The following ZNF141 variants were observed in gnomAD, a reference collection of about 807,000 sequenced individuals.
ZNF141 encodes the protein zinc finger protein 141, also known as zinc finger protein 141 (clone pHZ-44).
ZNF141 carries 7 observed loss-of-function variants against 11.3 expected under a neutral mutation model. That is an observed-to-expected ratio of 0.62 (90% CI 0.35 to 1.16). The LOEUF is 1.16. Ranked by LOEUF, ZNF141 falls within the 50% of genes most tolerant of loss-of-function variation. ZNF141 has a pLI of 0.02. For missense variants in ZNF141, 535 were observed against 554.0 expected, an observed-to-expected ratio of 0.97 and a Z score of 0.34; for synonymous variants, 183 against 190.7, an observed-to-expected ratio of 0.96 and a Z score of 0.33.
chr4:354,605 A>C (rs531894989), intron 3 of ZNF141, among the ~76,000 whole-genome samples: 1 of 152,180 alleles, frequency 6.6e-6, no homozygotes, highest in South Asian at 2.1e-4. Context: ...TTATGCTAAC[A>C]TTGGGATTAT....
At chr4:351,290 G>C (rs1221763827) in intron 3 of ZNF141, among the ~76,000 whole-genome samples, 1 of 150,690 alleles carries the variant, frequency 6.6e-6, no homozygotes, top group African/African-American at 2.5e-5. Context: ...CTGGAGTACA[G>C]TGGCGCGATC....
At chr4:342,716 G>T in intron 1 of ZNF141, 1 of 1,101,666 alleles carries the variant, frequency 9.1e-7, no homozygotes, top group Non-Finnish European at 1.4e-6. Context: ...TCTGCCCACA[G>T]ATCCTGTCCA....
At chr4:344,665 G>A (rs1306982471) in intron 3 of ZNF141, among the ~76,000 whole-genome samples, 4 of 152,056 alleles carry the variant, frequency 2.6e-5, no homozygotes, top group African/African-American at 4.8e-5. Flanking sequence ...ATGGTGGTGC[G>A]CACCTGGAGT....
rs370472805 is a variant in ZNF141, at chr4:373,618, C to G, written c.1181C>G (p.Pro394Arg). The change falls in exon 4 of 4, where the codon CCC becomes CGC. Residue 394 changes from proline to arginine, a missense_variant. By Grantham distance (103) the Pro-to-Arg change is moderately radical (BLOSUM62 -2). Coordinates refer to ENST00000240499, the MANE Select transcript of ZNF141 (RefSeq NM_003441.4). ...EHKKIHTGEK[P>R]YKCEECGKAF... ...AAAAAAATTCATACTGGAGAGAAAC[C>G]CTACAAATGTGAAGAATGTGGCAAA... The G allele has an allele frequency of 5.0e-6, 8 of 1,613,988 alleles. No individual in the cohort carries two copies. The highest frequency in any genetic ancestry group is 6.8e-6 in the Non-Finnish European group (8 of 1,180,002).
At chr4:353,466 A>ATTAT (rs1553850788) in intron 3 of ZNF141, among the ~76,000 whole-genome samples, 2 of 134,604 alleles carry the variant, frequency 1.5e-5, no homozygotes, top group African/African-American at 5.6e-5. Flanking sequence ...TATTATTATT[A>ATTAT]TTTTTTTTTT....
intron 3 of ZNF141, among the ~76,000 whole-genome samples, chr4:359,308 A>C (rs950385861): frequency 3.9e-5 from 6 of 152,124 alleles, no homozygotes; most frequent in Non-Finnish European, 8.8e-5. Context: ...GAAAAAAAAA[A>C]CCCAGTTAAT....
At chr4:350,661 G>A (rs1428399432) in intron 3 of ZNF141, among the ~76,000 whole-genome samples, 1 of 152,144 alleles carries the variant, frequency 6.6e-6, no homozygotes, top group African/African-American at 2.4e-5. Context: ...CGTAGGGTTG[G>A]CTTTTCATGA....
intron 1 of ZNF141, among the ~76,000 whole-genome samples, chr4:343,553 G>A (rs1050680508): frequency 5.3e-5 from 8 of 151,710 alleles, no homozygotes; most frequent in Middle Eastern, 3.4e-3. Context: ...GTGAAACCCC[G>A]TCTCTACTAA....
Position 381,327 on chromosome 4 carries a change from T to C in ZNF141, c.*7465T>C, listed in dbSNP as rs1025024079. ...GGAACCTCAGCCGAGCAGTCAGAAC[T>C]CACAGCTCTGACCAAACCCCTAGAA... On this transcript the variant is annotated 3_prime_UTR_variant, in exon 4 of 4. Coordinates refer to ENST00000240499, the MANE Select transcript of ZNF141 (RefSeq NM_003441.4). 1.3e-5 allele frequency among the ~76,000 whole-genome samples: 2 copies of C among 149,802 alleles called. No individual in the cohort carries two copies. The highest frequency in any genetic ancestry group is 4.0e-4 in the East Asian group (2 of 5,034).
At chr4:370,269 TATA>T (rs1441140504) in intron 3 of ZNF141, among the ~76,000 whole-genome samples, 3 of 152,194 alleles carry the variant, frequency 2.0e-5, no homozygotes, top group East Asian at 1.9e-4. Context: ...TTTGCACTAT[TATA>T]ATGATACAGA....
In ZNF141 at chr4:376,027, A is replaced by ATGT. The variant is rs1712348000; in HGVS notation, c.*2166_*2168dup. ...AAATTGTTTTACCAATTATACATTT[A>ATGT]TGTAATAAGATACAGTAAATTTTAA... On this transcript the variant is annotated 3_prime_UTR_variant, in exon 4 of 4. Transcript: ENST00000240499. Among the ~76,000 whole-genome samples the ATGT allele has an allele frequency of 6.6e-6, 1 of 152,076 alleles. No individual in the cohort carries two copies. The highest frequency in any genetic ancestry group is 2.4e-5 in the African/African-American group (1 of 41,442).
rs1712158091 is a variant in ZNF141 at position 373,069 on chromosome 4, CTTTAATA to C, written c.639_645del (p.Ile213MetfsTer33). 3 of 1,612,950 alleles carry C rather than the reference CTTTAATA, an allele frequency of 1.9e-6. No homozygotes were observed. The highest frequency in any genetic ancestry group is 1.3e-5 in the African/African-American group (1 of 74,628). ...GAATGTGGCAAAGCCTTTAAATGGT[CTTTAATA>C]TTTAATGAACATAAGAGAATTCATA... On this transcript the variant is annotated frameshift_variant, in exon 4 of 4. Transcript: ENST00000240499. LOFTEE classifies it low-confidence loss of function (END_TRUNC).
At chr4:345,597 G>A (rs1430656383) in intron 3 of ZNF141, among the ~76,000 whole-genome samples, 1 of 151,914 alleles carries the variant, frequency 6.6e-6, no homozygotes, top group Admixed American at 6.6e-5. Flanking sequence ...GCGTGGTGGT[G>A]CATTCCTGTA....
chr4:369,254 A>G (rs577024404), intron 3 of ZNF141, among the ~76,000 whole-genome samples: 1 of 152,186 alleles, frequency 6.6e-6, no homozygotes, highest in South Asian at 2.1e-4. Context: ...TTATTGTTTA[A>G]TGTCTTCCTT....
At chr4:343,590 T>C (rs1020418969) in intron 1 of ZNF141, among the ~76,000 whole-genome samples, 192 bp from the exon 2 acceptor site, 4 of 151,844 alleles carry the variant, frequency 2.6e-5, no homozygotes, top group Non-Finnish European at 5.9e-5. Context: ...CTGGGCGTGG[T>C]GGCGGGCACA....
At chr4:338,831 G>A (rs1260997802) in intron 1 of ZNF141, among the ~76,000 whole-genome samples, 1 of 152,188 alleles carries the variant, frequency 6.6e-6, no homozygotes, top group African/African-American at 2.4e-5. Flanking sequence ...GCATTGACTG[G>A]TGTTGAGCAA....
chr4:372,521 G>T (rs564742997), intron 3 of ZNF141, 143 bp from the exon 4 acceptor site: 2 of 661,700 alleles, frequency 3.0e-6, no homozygotes, highest in African/African-American at 3.6e-5. Context: ...TTTGCTACAT[G>T]TATATGTCTG....
At chr4:370,290 A>G (rs1711990506) in intron 3 of ZNF141, among the ~76,000 whole-genome samples, 1 of 152,008 alleles carries the variant, frequency 6.6e-6, no homozygotes, top group Non-Finnish European at 1.5e-5. Context: ...AGAACTTTAT[A>G]TTTGTGTTTG....
chr4:345,928 C>T (rs1326381591), intron 3 of ZNF141, among the ~76,000 whole-genome samples: 4 of 152,092 alleles, frequency 2.6e-5, no homozygotes, highest in Admixed American at 6.6e-5. Flanking sequence ...TAGAACATTA[C>T]TAAGTGTATA....
Sources: gnomAD v4.1 joint callset for allele counts (sites outside exome capture counted in the v4.1 genomes callset) on GRCh38, gnomAD v4.1.1 for gene constraint, MANE v1.5 for transcripts, NCBI Gene and HGNC (gene_info 2026-07-23, HGNC 2026-07-21) for gene names.